Variants in ME2 observed in about 807,000 individuals in gnomAD.
The protein encoded by ME2 is NAD-dependent malic enzyme, mitochondrial.
Under a neutral mutation model 73.7 loss-of-function variants are expected in ME2, and 60 were observed. The ratio of observed to expected loss-of-function variants is 0.81; its 90% CI spans 0.66 to 1.01. The LOEUF is 1.01. Among genes scored for constraint, ME2 ranks in the 50% least tolerant of loss-of-function variants. The pLI, the probability that ME2 is intolerant of heterozygous loss-of-function variation, is 0.00. For synonymous variants in ME2, 199 were observed against 236.9 expected, an observed-to-expected ratio of 0.84 and a Z score of 1.47; for missense variants, 594 against 705.5, an observed-to-expected ratio of 0.84 and a Z score of 1.79.
chr18:50,881,688 T>A (rs1006045398), intron 1 of ME2, among the ~76,000 whole-genome samples: 4 of 152,210 alleles, frequency 2.6e-5, no homozygotes, highest in Non-Finnish European at 1.5e-5. Flanking sequence ...TGATTATCCT[T>A]ATAGCCTCTT....
chr18:50,932,578 A>G (rs1917723140), intron 13 of ME2: 1 of 370,244 alleles, frequency 2.7e-6, no homozygotes, highest in Non-Finnish European at 4.8e-6. Context: ...TTATAGAAAT[A>G]ATATATTGCA....
intron 2 of ME2, among the ~76,000 whole-genome samples, chr18:50,898,343 A>G (rs1916802567): frequency 6.6e-6 from 1 of 152,222 alleles, no homozygotes; most frequent in African/African-American, 2.4e-5. Flanking sequence ...ATTCAGTGAC[A>G]TTAAATTTAT....
rs763144297 is a variant in ME2 at position 50,951,205 on chromosome 18, C to G, written c.*4021C>G. 6.6e-6 allele frequency: 1 copy of G among 152,152 alleles called. No individual in the cohort carries two copies. The highest frequency in any genetic ancestry group is 1.5e-5 in the Non-Finnish European group (1 of 68,036). The allele number at this position is 152,152 out of a possible 1,614,324, so 9.4% of individuals were successfully genotyped here. On this transcript the variant is annotated 3_prime_UTR_variant, in exon 16 of 16. Transcript: ENST00000321341. ...ACATGACTTGCCTTATATCCTTTGTCCTTTTTCTGTAACTTGTCAGCCTCT... is the reference window on the plus strand; with the variant it reads ...ACATGACTTGCCTTATATCCTTTGTGCTTTTTCTGTAACTTGTCAGCCTCT...
chr18:50,912,768 G>T, intron 3 of ME2, 33 bp from the exon 4 acceptor site: 1 of 1,485,742 alleles, frequency 6.7e-7, no homozygotes, highest in South Asian at 1.4e-5. Context: ...AATGCAGGCT[G>T]ACTTAGACAT....
intron 1 of ME2, among the ~76,000 whole-genome samples, chr18:50,879,599 T>C (rs1338876059): frequency 1.3e-5 from 2 of 152,214 alleles, no homozygotes; most frequent in Non-Finnish European, 2.9e-5. Context: ...GGCGCCCCGC[T>C]CTCGCCCGGG....
chr18:50,899,594 A>T (rs1243513616), intron 2 of ME2, among the ~76,000 whole-genome samples: 1 of 152,196 alleles, frequency 6.6e-6, no homozygotes, highest in Non-Finnish European at 1.5e-5. Flanking sequence ...CTTGGGTGGC[A>T]GAGTGAGCCC....
intron 13 of ME2, among the ~76,000 whole-genome samples, chr18:50,936,153 G>C (rs935734115): frequency 1.3e-5 from 2 of 152,144 alleles, no homozygotes; most frequent in Non-Finnish European, 2.9e-5. Flanking sequence ...TCAAAGAAGC[G>C]ACCGTTAGAC....
rs1917233216 is a variant in ME2 at position 50,914,261 on chromosome 18, T to C, written c.392+1311T>C. ...AGATGCTGCCAACAATTACTGTAAC[T>C]AAAACATTTCTGTGACATAACCATG... On this transcript the variant is annotated intron_variant, in intron 4 of 15. Coordinates refer to ENST00000321341, the MANE Select transcript of ME2 (RefSeq NM_002396.5). 1.3e-5 allele frequency among the ~76,000 whole-genome samples: 2 copies of C among 152,212 alleles called. 1 individual carries two copies. Among genetic ancestry groups the C allele is most frequent in the South Asian group, 4.1e-4 (2 of 4,836 alleles).
chr18:50,882,113 C>T (rs1201200432), intron 1 of ME2, among the ~76,000 whole-genome samples: 1 of 152,192 alleles, frequency 6.6e-6, no homozygotes, highest in African/African-American at 2.4e-5. Context: ...ATCCTCCTGC[C>T]TCAGCCTCTG....
In ME2 at chr18:50,916,130, C is replaced by G; in HGVS notation, c.393-38C>G. On this transcript the variant is annotated intron_variant, in intron 4 of 15. Coordinates refer to ENST00000321341, the MANE Select transcript of ME2 (RefSeq NM_002396.5). Reference sequence around the variant, plus strand: ...TATGAACAAAAACTTAGAAACAAAGCTGTTGTGAAATGCAAAGGTGTTTTT... The same window carrying G: ...TATGAACAAAAACTTAGAAACAAAGGTGTTGTGAAATGCAAAGGTGTTTTT... 3 of 1,339,180 alleles carry G rather than the reference C, an allele frequency of 2.2e-6. No individual in the cohort carries two copies. In the East Asian group the frequency reaches 7.0e-5, roughly 31 times the overall value. The allele number at this position is 1,339,180 out of a possible 1,614,324, so 83.0% of individuals were successfully genotyped here.
In ME2 at chr18:50,912,925, TATGG is replaced by T; in HGVS notation, c.369_372del (p.Gly124ThrfsTer35). 1 of 1,607,130 alleles carries T rather than the reference TATGG, an allele frequency of 6.2e-7. No homozygotes were observed. On this transcript the variant is annotated frameshift_variant, in exon 4 of 16. Transcript: ENST00000321341. LOFTEE classifies it high-confidence loss of function. ...GACGGTTGGTCTTGCCTGCTCCCAG[TATGG>T]ACACATCTTTAGAAGACCTAAGTAA...
intron 4 of ME2, chr18:50,915,881 C>A: frequency 1.4e-5 from 3 of 217,726 alleles, no homozygotes; most frequent in Non-Finnish European, 2.7e-5. Context: ...TTTTTTTTTC[C>A]TGGTGGTGTA....
chr18:50,885,147 C>T (rs571299405), intron 1 of ME2, among the ~76,000 whole-genome samples: 5 of 152,180 alleles, frequency 3.3e-5, no homozygotes, highest in African/African-American at 4.8e-5. Flanking sequence ...TGAGCCACCA[C>T]GCCAGGCCCA....
intron 1 of ME2, among the ~76,000 whole-genome samples, chr18:50,889,847 A>G (rs1916564006): frequency 6.6e-6 from 1 of 152,186 alleles, no homozygotes; most frequent in African/African-American, 2.4e-5. Context: ...AATAAGCCTA[A>G]TATGTTTCGC....
chr18:50,895,681 T>G (rs1916722014), intron 1 of ME2, 128 bp from the exon 2 acceptor site: 1 of 627,006 alleles, frequency 1.6e-6, no homozygotes, highest in African/African-American at 1.8e-5. Flanking sequence ...CACCTTCGCC[T>G]CTTGTTACCT....
rs888716186 is a variant in ME2 at position 50,912,793 on chromosome 18, C to T, written c.243-8C>T. 1 of 1,552,932 alleles carries T rather than the reference C, an allele frequency of 6.4e-7. No individual in the cohort carries two copies. Among genetic ancestry groups the T allele is most frequent in the Non-Finnish European group, 8.7e-7 (1 of 1,144,430 alleles). ...GACTTAGACATTATTTACTGTGCTT[C>T]ATTTCAGATATATCTACATAATGGG... On this transcript the variant is annotated splice_polypyrimidine_tract_variant and splice_region_variant and intron_variant, in intron 3 of 15. Coordinates refer to ENST00000321341, the MANE Select transcript of ME2 (RefSeq NM_002396.5).
chr18:50,908,247 C>A, intron 3 of ME2, 51 bp downstream of exon 3: 1 of 1,386,274 alleles, frequency 7.2e-7, no homozygotes, highest in South Asian at 1.4e-5. Flanking sequence ...GATTAGAAAA[C>A]TTATGAGCAT....
intron 2 of ME2, among the ~76,000 whole-genome samples, chr18:50,897,866 AAAAAG>A (rs1480378536): frequency 1.2e-3 from 135 of 108,900 alleles, no homozygotes; most frequent in African/African-American, 4.0e-3. Flanking sequence ...TCTCAAAAAA[AAAAAG>A]AAAAAGAAAA....
intron 2 of ME2, among the ~76,000 whole-genome samples, chr18:50,907,133 A>T (rs1917036885): frequency 6.6e-6 from 1 of 152,172 alleles, no homozygotes; most frequent in Non-Finnish European, 1.5e-5. Context: ...GCGCCAAGTT[A>T]GGTCAAATGA....
Sources: allele counts gnomAD v4.1 joint callset (sites outside exome capture counted in the v4.1 genomes callset), GRCh38; gene constraint gnomAD v4.1.1; transcripts MANE v1.5; gene names NCBI Gene and HGNC (gene_info 2026-07-23, HGNC 2026-07-21).